Variants in MANBA observed in about 807,000 individuals in gnomAD.
MANBA encodes the protein beta-mannosidase.
In MANBA, 83 loss-of-function variants were observed where a neutral mutation model predicts 111.1. The observed-to-expected ratio is 0.75, with a 90% confidence interval of 0.63 to 0.90. The LOEUF (loss-of-function observed/expected upper bound fraction) is 0.90, where lower values mean the gene tolerates loss of function less well. Ranked by LOEUF, MANBA falls within the 40% of genes least tolerant of loss-of-function variation. The pLI, the probability that MANBA is intolerant of heterozygous loss-of-function variation, is 0.00. For missense variants in MANBA, 1,036 were observed against 1,069.0 expected (o/e 0.97, Z 0.43); for synonymous variants, 370 against 378.7 (o/e 0.98, Z 0.27).
chr4:102,758,947 T>C (rs1724130289), intron 1 of MANBA, among the ~76,000 whole-genome samples: 1 of 152,216 alleles, frequency 6.6e-6, no homozygotes, highest in Non-Finnish European at 1.5e-5. Flanking sequence ...TAAGAATTTA[T>C]GAAGAGAGTT....
At chr4:102,699,097 G>C (rs564666380) in intron 5 of MANBA, among the ~76,000 whole-genome samples, 4,187 of 152,028 alleles carry the variant, frequency 0.028, 128 homozygotes, top group African/African-American at 0.077. Context: ...GGATTCCTAG[G>C]TATTTTATTC....
rs114543305 is a variant in MANBA, at chr4:102,722,942, G to A, written c.478C>T (p.Arg160Cys). Residue 160 changes from arginine (R) to cysteine (C), a missense_variant, in exon 4 of 17, where the codon CGC (arginine) becomes TGC (cysteine). Coordinates refer to ENST00000647097, the MANE Select transcript of MANBA (RefSeq NM_005908.4). The stretch of plus-strand genomic sequence containing the variant: ...GGGCAGTCTGGGGGAACCTGGTAGC[G>A]AGTGTGAGCTTTGCTCTGCTGTGCT... Reference protein sequence around the residue: ...YAAQQSKAHTRYQVPPDCPPL... With the variant: ...YAAQQSKAHTCYQVPPDCPPL... 751 of 1,614,100 alleles carry A rather than the reference G, an allele frequency of 4.7e-4. 3 individuals carry two copies. In the African/African-American group the frequency reaches 8.6e-3, roughly 19 times the overall value.
intron 7 of MANBA, among the ~76,000 whole-genome samples, 172 bp downstream of exon 7, chr4:102,689,402 G>A (rs2110242373): frequency 6.7e-6 from 1 of 149,090 alleles, no homozygotes; most frequent in Non-Finnish European, 1.5e-5. Context: ...ATATATGTAT[G>A]TATATATACA....
At chr4:102,715,323 C>G (rs1252192186) in intron 4 of MANBA, among the ~76,000 whole-genome samples, 5 of 152,108 alleles carry the variant, frequency 3.3e-5, no homozygotes, top group Non-Finnish European at 5.9e-5. Flanking sequence ...GACTCTTCAG[C>G]CTTGAGTCAA....
chr4:102,658,423 C>A (rs897908891), intron 11 of MANBA, among the ~76,000 whole-genome samples: 1 of 152,196 alleles, frequency 6.6e-6, no homozygotes, highest in Non-Finnish European at 1.5e-5. Context: ...ACAGGTCTAA[C>A]AGGTAAGAAC....
rs1284025144 is a variant in MANBA at position 102,668,945 on chromosome 4, G to A, written c.1317+18C>T. The A allele has an allele frequency of 2.5e-6, 4 of 1,578,302 alleles. No individual in the cohort carries two copies. The South Asian group carries it at 4.4e-5, about 18-fold the overall frequency. The stretch of plus-strand genomic sequence containing the variant: ...CATATTATTTGTTTTATTTCTTCTT[G>A]GAAGGGTAGTAACATACCTGGTAGG... On this transcript the variant is annotated intron_variant, in intron 10 of 16. Transcript: ENST00000647097.
intron 6 of MANBA, among the ~76,000 whole-genome samples, chr4:102,690,207 G>A (rs227366): frequency 0.6 from 91,098 of 151,948 alleles, 28,299 homozygotes; most frequent in South Asian, 0.8. Context: ...AATTAAAATT[G>A]TGCATGTAGA....
chr4:102,739,434 A>T (rs1723327673), intron 1 of MANBA, among the ~76,000 whole-genome samples: 1 of 152,194 alleles, frequency 6.6e-6, no homozygotes, highest in Non-Finnish European at 1.5e-5. Context: ...GAAAGAGGGA[A>T]TCCTCCCTAA....
intron 5 of MANBA, among the ~76,000 whole-genome samples, chr4:102,711,487 A>G (rs974386124): frequency 1.3e-5 from 2 of 152,344 alleles, no homozygotes; most frequent in African/African-American, 4.8e-5. Context: ...TGCAGAGAAG[A>G]GGAAACATTT....
chr4:102,631,951 G>C lies in MANBA; in HGVS notation c.*106C>G. On this transcript the variant is annotated 3_prime_UTR_variant, in exon 17 of 17. Transcript: ENST00000647097. ...TCGCTCAAATGCGTGGCAGCACGCA[G>C]ACATGTCTCTCGGCTTCTCTCCTTG... 4.1e-6 allele frequency: 4 copies of C among 971,768 alleles called. No individual in the cohort carries two copies. The highest frequency in any genetic ancestry group is 6.5e-6 in the Non-Finnish European group (4 of 612,532). 60.2% of individuals were successfully genotyped at this position (971,768 alleles called of 1,614,324 possible). A position where few individuals can be genotyped will look rare whatever the true frequency, so the allele number is the denominator to read the frequency against.
At chr4:102,670,721 T>TACA (rs1731457017) in intron 9 of MANBA, among the ~76,000 whole-genome samples, 1 of 151,764 alleles carries the variant, frequency 6.6e-6, no homozygotes, top group Admixed American at 6.6e-5. Context: ...TTACTAAAAA[T>TACA]ACAAAATTTA....
chr4:102,750,224 A>G lies in MANBA; in HGVS notation c.177+10494T>C, dbSNP rs1408803827. 4.6e-5 allele frequency among the ~76,000 whole-genome samples: 7 copies of G among 152,256 alleles called. No individual in the cohort carries two copies. The East Asian group carries it at 1.4e-3, about 29-fold the overall frequency. ...CAGTCAAACTTTTAGAAGAAGACAT[A>G]CATATCTTTAAAGGGTCATTTCCTA... On this transcript the variant is annotated intron_variant, in intron 1 of 16. Transcript: ENST00000647097.
At chr4:102,685,053 T>C (rs1010084020) in intron 7 of MANBA, among the ~76,000 whole-genome samples, 1 of 152,056 alleles carries the variant, frequency 6.6e-6, no homozygotes, top group Non-Finnish European at 1.5e-5. Flanking sequence ...TATGGTTCCA[T>C]GTACATAAAA....
At chr4:102,659,249 T>C (rs949119833) in intron 11 of MANBA, among the ~76,000 whole-genome samples, 1 of 152,204 alleles carries the variant, frequency 6.6e-6, no homozygotes, top group Non-Finnish European at 1.5e-5. Flanking sequence ...AACAAGTAAT[T>C]ATAAGTATGA....
At chr4:102,679,934 A>G (rs1731887737) in intron 7 of MANBA, among the ~76,000 whole-genome samples, 1 of 152,202 alleles carries the variant, frequency 6.6e-6, no homozygotes, top group Admixed American at 6.5e-5. Context: ...TATAAAAAAA[A>G]AAAAAATCCC....
At chr4:102,728,632 G>T in intron 1 of MANBA, 1 of 512,962 alleles carries the variant, frequency 1.9e-6, no homozygotes, top group East Asian at 4.0e-5. Context: ...ACTACCCTGT[G>T]GGTGGGTTGA....
At chr4:102,682,568 C>A (rs1051038236) in intron 7 of MANBA, 1 of 152,256 alleles carries the variant, frequency 6.6e-6, no homozygotes, top group Middle Eastern at 3.4e-3. Flanking sequence ...AGTGTCCCCC[C>A]AAAATTCATG....
chr4:102,657,629 A>C (rs117025362), intron 12 of MANBA, 53 bp downstream of exon 12: 1 of 1,388,872 alleles, frequency 7.2e-7, no homozygotes, highest in East Asian at 2.3e-5. Context: ...CAGAATAAAC[A>C]CATGCCCACA....
rs540836765 is a variant in MANBA at position 102,700,740 on chromosome 4, A to C, written c.674-9969T>G. Among the ~76,000 whole-genome samples the C allele has an allele frequency of 2.2e-3, 328 of 151,956 alleles. 1 individual carries two copies. Among genetic ancestry groups the C allele is most frequent in the African/African-American group, 7.5e-3 (313 of 41,460 alleles). ...TCTGAGAGATAGTTTGTTATAATTT[A>C]TGTTCTTCTACATTTGCTGAGGAGT... On this transcript the variant is annotated intron_variant, in intron 5 of 16. Transcript: ENST00000647097.
Sources: allele counts gnomAD v4.1 joint callset (sites outside exome capture counted in the v4.1 genomes callset), GRCh38; gene constraint gnomAD v4.1.1; transcripts MANE v1.5; gene names NCBI Gene and HGNC (gene_info 2026-07-23, HGNC 2026-07-21).